Variants in ERG observed in about 807,000 individuals in gnomAD.
ERG encodes transcriptional regulator ERG.
Under a neutral mutation model 55.3 loss-of-function variants are expected in ERG, and 9 were observed. That is an observed-to-expected ratio of 0.16 (90% confidence interval 0.10 to 0.28). The LOEUF is 0.28. Ranked by LOEUF, ERG falls within the 10% of genes least tolerant of loss-of-function variation. The pLI is 1.00. For missense variants in ERG, 434 were observed against 631.6 expected, an observed-to-expected ratio of 0.69 and a Z score of 3.35; for synonymous variants, 223 against 237.3, an observed-to-expected ratio of 0.94 and a Z score of 0.55.
chr21:38,395,818 C>T (rs1988184098), intron 6 of ERG, among the ~76,000 whole-genome samples: 2 of 152,208 alleles, frequency 1.3e-5, no homozygotes, highest in South Asian at 2.1e-4. Context: ...TAAATTAATA[C>T]AACATTCTGG....
chr21:38,612,896 C>A (rs1336623500), intron 1 of ERG, among the ~76,000 whole-genome samples: 2 of 152,034 alleles, frequency 1.3e-5, no homozygotes, highest in Non-Finnish European at 2.9e-5. Flanking sequence ...CTCCTGACCT[C>A]GTGATCCACC....
At chr21:38,576,673 G>A (rs2059996521) in intron 1 of ERG, among the ~76,000 whole-genome samples, 1 of 152,092 alleles carries the variant, frequency 6.6e-6, no homozygotes, top group Non-Finnish European at 1.5e-5. Context: ...CCCCAGGGCT[G>A]ACCTCTACAG....
intron 2 of ERG, among the ~76,000 whole-genome samples, chr21:38,522,393 T>A (rs1461603671): frequency 1.3e-5 from 2 of 152,158 alleles, no homozygotes. Context: ...TTTACTAACA[T>A]TTGAAAAGAT....
At chr21:38,422,377 T>C (rs908514537) in intron 3 of ERG, among the ~76,000 whole-genome samples, 2 of 152,186 alleles carry the variant, frequency 1.3e-5, no homozygotes, top group Non-Finnish European at 2.9e-5. Flanking sequence ...ACTAAAGGAG[T>C]AAGGCAGACC....
intron 1 of ERG, among the ~76,000 whole-genome samples, chr21:38,644,174 G>C (rs2060442206): frequency 6.6e-6 from 1 of 152,230 alleles, no homozygotes; most frequent in African/African-American, 2.4e-5. Flanking sequence ...GTGCAGAGCA[G>C]GGCAGCCACT....
At chr21:38,491,306 G>A (rs994171308) in intron 1 of ERG, among the ~76,000 whole-genome samples, 1 of 152,084 alleles carries the variant, frequency 6.6e-6, no homozygotes, top group Non-Finnish European at 1.5e-5. Context: ...AATGGCCTTG[G>A]GGGGAATGTG....
upstream of ERG, among the ~76,000 whole-genome samples, chr21:38,587,454 G>A (rs1167499281): frequency 7.9e-5 from 12 of 151,580 alleles, no homozygotes; most frequent in African/African-American, 2.9e-4. Flanking sequence ...CGCCTCCCAG[G>A]TTCACACCAT....
At chr21:38,493,035 G>A (rs1476248191) in intron 1 of ERG, among the ~76,000 whole-genome samples, 2 of 152,116 alleles carry the variant, frequency 1.3e-5, no homozygotes, top group East Asian at 3.8e-4. Flanking sequence ...TAGAAAAAGG[G>A]AGAACTGGTA....
downstream of ERG, among the ~76,000 whole-genome samples, chr21:38,376,161 G>T (rs2146399562): frequency 6.6e-6 from 1 of 152,266 alleles, no homozygotes; most frequent in East Asian, 1.9e-4. Context: ...AGTGACCATT[G>T]CATAGTTCCA....
intron 2 of ERG, among the ~76,000 whole-genome samples, chr21:38,549,429 A>C (rs1297654388): frequency 2.0e-5 from 3 of 152,214 alleles, no homozygotes; most frequent in African/African-American, 7.2e-5. Context: ...ACAACTAAAG[A>C]TGTCTATCCA....
At position 38,383,284 on chromosome 21, in the gene ERG, C is replaced by T; in HGVS notation, c.*119G>A. 7.5e-7 allele frequency: 1 copy of T among 1,336,766 alleles called. No homozygotes were observed. Among genetic ancestry groups the T allele is most frequent in the Non-Finnish European group, 9.6e-7 (1 of 1,041,120 alleles). The allele number at this position is 1,336,766 out of a possible 1,614,324, so 82.8% of individuals were successfully genotyped here. A position where few individuals can be genotyped will look rare whatever the true frequency, so the allele number is the denominator to read the frequency against. Reference sequence around the variant, plus strand: ...TGGATCTCTTCCCCGGCTTCCTTCCCCAGCCCCAGTAAAGCTTTTTTCATT... The same window carrying T: ...TGGATCTCTTCCCCGGCTTCCTTCCTCAGCCCCAGTAAAGCTTTTTTCATT... On this transcript the variant is annotated 3_prime_UTR_variant, in exon 10 of 10. Coordinates refer to ENST00000288319, the MANE Select transcript of ERG (RefSeq NM_182918.4). The surrounding 1 kb of genome is among the most constrained non-coding windows in gnomAD (Gnocchi z 5.7).
chr21:38,529,279 G>A (rs886825596), intron 2 of ERG, among the ~76,000 whole-genome samples: 3 of 152,158 alleles, frequency 2.0e-5, no homozygotes, highest in Non-Finnish European at 4.4e-5. Flanking sequence ...CAAGAGGAGA[G>A]GCAGGGAGAT....
chr21:38,400,289 G>A (rs962010280), intron 6 of ERG: 1 of 534,632 alleles, frequency 1.9e-6, no homozygotes, highest in Non-Finnish European at 3.6e-6. Context: ...TCAAAAGTCG[G>A]CCTATTCCTA....
At chr21:38,506,842 C>T (rs187501746) in intron 2 of ERG, among the ~76,000 whole-genome samples, 3 of 152,142 alleles carry the variant, frequency 2.0e-5, no homozygotes, top group Non-Finnish European at 2.9e-5. Flanking sequence ...TCACCCACTG[C>T]GGTTTAGGAT....
chr21:38,373,471 T>C, the ERG span, among the ~76,000 whole-genome samples: 1 of 152,228 alleles, frequency 6.6e-6, no homozygotes, highest in East Asian at 1.9e-4. Flanking sequence ...TCAGTACCTC[T>C]GTAAATATAC....
At chr21:38,457,434 T>A (rs1156670014) in intron 1 of ERG, among the ~76,000 whole-genome samples, 48 of 32,168 alleles carry the variant, frequency 1.5e-3, no homozygotes, top group African/African-American at 3.9e-3. Flanking sequence ...AGACTCTGTC[T>A]CAAAAAAAAA....
chr21:38,484,473 A>C (rs540597272), intron 1 of ERG, among the ~76,000 whole-genome samples: 1 of 152,186 alleles, frequency 6.6e-6, no homozygotes, highest in Non-Finnish European at 1.5e-5. Flanking sequence ...AAGCATAAGA[A>C]TGGGAGGAAA....
At chr21:38,510,556 G>A (rs2059503803) in intron 2 of ERG, among the ~76,000 whole-genome samples, 1 of 152,164 alleles carries the variant, frequency 6.6e-6, no homozygotes, top group Admixed American at 6.5e-5. Context: ...TTTGGAGTGG[G>A]GAGCTTTTTG....
chr21:38,428,881 A>AT (rs2146516817), intron 2 of ERG, among the ~76,000 whole-genome samples: 1 of 152,264 alleles, frequency 6.6e-6, no homozygotes, highest in African/African-American at 2.4e-5. Context: ...AACAAAAATC[A>AT]TTTTGTCTTT....
Sources: gnomAD v4.1 joint callset for allele counts (sites outside exome capture counted in the v4.1 genomes callset) on GRCh38, gnomAD v4.1.1 for gene constraint, Gnocchi (gnomAD v3.1) non-coding constraint, MANE v1.5 for transcripts, NCBI Gene and HGNC (gene_info 2026-07-23, HGNC 2026-07-21) for gene names.